The following RNF17 variants were observed in gnomAD, a reference collection of about 807,000 sequenced individuals.
RNF17 encodes ring finger protein 17.
In RNF17, 31 loss-of-function variants were observed where a neutral mutation model predicts 200.5. The ratio of observed to expected loss-of-function variants is 0.15; its 90% CI spans 0.12 to 0.21. The LOEUF (loss-of-function observed/expected upper bound fraction) is 0.21. Among genes scored for constraint, RNF17 ranks in the 10% least tolerant of loss-of-function variants. The pLI is 1.00. For missense variants in RNF17, 1,628 were observed against 1,905.1 expected, an observed-to-expected ratio of 0.85 and a Z score of 2.71; for synonymous variants, 606 against 637.8, an observed-to-expected ratio of 0.95 and a Z score of 0.75.
intron 2 of RNF17, among the ~76,000 whole-genome samples, chr13:24,769,200 AG>A (rs1344589008): frequency 6.6e-6 from 1 of 151,952 alleles, no homozygotes; most frequent in Non-Finnish European, 1.5e-5. Flanking sequence ...AAAAAAAAAA[AG>A]ACTTGGCAAA....
At chr13:24,828,939 G>GC (rs1388633238) in intron 16 of RNF17, among the ~76,000 whole-genome samples, 2 of 151,920 alleles carry the variant, frequency 1.3e-5, no homozygotes, top group African/African-American at 4.8e-5. Context: ...CCCCAGATTA[G>GC]CCGGGGCTAT....
At chr13:24,837,852 AT>A (rs1890176358) in intron 18 of RNF17, among the ~76,000 whole-genome samples, 1 of 152,218 alleles carries the variant, frequency 6.6e-6, no homozygotes, top group Admixed American at 6.5e-5. Context: ...ACTAAATGAA[AT>A]TGAAACAAAC....
In RNF17 at chr13:24,799,603, T is replaced by G. The variant is rs759317181; in HGVS notation, c.1589+19T>G. ...TCACTGGGTATGATATTTTATAATA[T>G]GTATCCTTGGCCTGCTTAGAAACAT... On this transcript the variant is annotated intron_variant, in intron 12 of 35. Coordinates refer to ENST00000255324, the MANE Select transcript of RNF17 (RefSeq NM_031277.3). The G allele has an allele frequency of 2.0e-6, 3 of 1,510,912 alleles. No homozygotes were observed. The Admixed American group carries it at 5.4e-5, about 27-fold the overall frequency. The allele number at this position is 1,510,912 out of a possible 1,614,324, so 93.6% of individuals were successfully genotyped here.
At position 24,781,901 on chromosome 13, in the gene RNF17, G is replaced by A; in HGVS notation, c.568G>A (p.Val190Met). ...GGAAAGAGAAAGAGTTATAGAAGTTGTGGAGAAACAGTTTGACCAACTTTT... is the reference window on the plus strand; with the variant it reads ...GGAAAGAGAAAGAGTTATAGAAGTTATGGAGAAACAGTTTGACCAACTTTT... Reference protein sequence around the residue: ...IEERERVIEVVEKQFDQLLAF... With the variant: ...IEERERVIEVMEKQFDQLLAF... The change falls in exon 6 of 36, where the codon GTG becomes ATG. Residue 190 changes from valine (V) to methionine (M), a missense_variant. Physicochemically the swap from Val to Met is conservative, Grantham distance 21. Around this residue, in one of 5 missense-constraint regions of RNF17, gnomAD observed 502 missense variants for 501.7 expected, o/e 1.00. Transcript: ENST00000255324. 2 of 1,613,148 alleles carry A rather than the reference G, an allele frequency of 1.2e-6. No individual in the cohort carries two copies. Among genetic ancestry groups the A allele is most frequent in the Non-Finnish European group, 1.7e-6 (2 of 1,179,708 alleles).
intron 22 of RNF17, among the ~76,000 whole-genome samples, chr13:24,847,047 CA>C (rs938867177): frequency 6.6e-5 from 10 of 150,716 alleles, no homozygotes; most frequent in Admixed American, 2.0e-4. Flanking sequence ...AGAAATAAAC[CA>C]TACTGGTTTA....
intron 15 of RNF17, among the ~76,000 whole-genome samples, chr13:24,814,069 A>G (rs554724142): frequency 1.3e-5 from 2 of 152,278 alleles, no homozygotes; most frequent in South Asian, 2.1e-4. Context: ...TATGTATTCA[A>G]TACTGCATTC....
intron 15 of RNF17, among the ~76,000 whole-genome samples, chr13:24,814,623 C>CT (rs1048000268): frequency 3.1e-4 from 47 of 152,320 alleles, no homozygotes; most frequent in African/African-American, 1.1e-3. Flanking sequence ...GTTGAAAACA[C>CT]TGTCTTTTCC....
chr13:24,789,280 A>T, intron 7 of RNF17, 68 bp from the exon 8 acceptor site: 1 of 1,064,428 alleles, frequency 9.4e-7, no homozygotes, highest in South Asian at 1.4e-5. Flanking sequence ...TTTTCTTTCT[A>T]AAATCTTACT....
chr13:24,852,385 G>A (rs373179911), intron 24 of RNF17, among the ~76,000 whole-genome samples: 18 of 152,116 alleles, frequency 1.2e-4, no homozygotes, highest in South Asian at 4.2e-4. Flanking sequence ...TGATCTGCCC[G>A]CCTTGGCCTC....
chr13:24,841,106 T>G (rs920085507), intron 18 of RNF17, among the ~76,000 whole-genome samples: 30 of 152,224 alleles, frequency 2.0e-4, no homozygotes, highest in African/African-American at 7.0e-4. Flanking sequence ...TATTGACCAA[T>G]TTCCCTGTGC....
chr13:24,761,608 A>G (rs184634310), upstream of RNF17, among the ~76,000 whole-genome samples: 3 of 152,240 alleles, frequency 2.0e-5, no homozygotes, highest in African/African-American at 7.2e-5. Context: ...CTAGAAAGGC[A>G]CTGGTAGAGA....
At chr13:24,789,607 C>T (rs1402023846) in intron 8 of RNF17, 91 bp from the exon 9 acceptor site, 2 of 934,098 alleles carry the variant, frequency 2.1e-6, no homozygotes, top group Admixed American at 4.0e-5. Context: ...GTTTCCTTTT[C>T]AATTCATTAA....
the RNF17 span, among the ~76,000 whole-genome samples, chr13:24,886,567 G>A: frequency 8.0e-4 from 122 of 152,300 alleles, no homozygotes; most frequent in South Asian, 2.7e-3. Context: ...AAAGTACTGG[G>A]AGTACACAGG....
intron 2 of RNF17, among the ~76,000 whole-genome samples, chr13:24,772,760 A>G (rs562664853): frequency 6.6e-6 from 1 of 152,078 alleles, no homozygotes; most frequent in Admixed American, 6.5e-5. Flanking sequence ...ACAGGCGTCC[A>G]CCACCACGCC....
At chr13:24,786,185 T>A (rs1883081672) in intron 6 of RNF17, among the ~76,000 whole-genome samples, 1 of 152,206 alleles carries the variant, frequency 6.6e-6, no homozygotes, top group Admixed American at 6.5e-5. Context: ...TTGTGCATAG[T>A]CTGTAAATAG....
At chr13:24,757,620 G>A in the RNF17 span, among the ~76,000 whole-genome samples, 3 of 152,216 alleles carry the variant, frequency 2.0e-5, no homozygotes, top group East Asian at 5.8e-4. Flanking sequence ...CACTGTGCCT[G>A]GCCGACAATA....
intron 26 of RNF17, among the ~76,000 whole-genome samples, chr13:24,860,801 C>T (rs776135500): frequency 6.6e-6 from 1 of 151,430 alleles, no homozygotes; most frequent in Non-Finnish European, 1.5e-5. Context: ...GTTTGATACA[C>T]TATTGGATGA....
At chr13:24,882,847 T>C, downstream of RNF17, 1 of 336,460 alleles carries the variant, frequency 3.0e-6, no homozygotes, top group Non-Finnish European at 5.7e-6. Context: ...GTGGGACATC[T>C]AGGTGATGTA....
rs969301060 is a variant in RNF17, at chr13:24,828,805, T to A, written c.2246-1679T>A. Among the ~76,000 whole-genome samples, 129 of 152,050 alleles carry A rather than the reference T, an allele frequency of 8.5e-4. 1 individual carries two copies. The highest frequency in any genetic ancestry group is 7.2e-4 in the Admixed American group (11 of 15,264). ...ATGTTAGTTTGATTTTTTTTTTTTTTAAGCATGAAAACATCCTTTTTGAGA... is the reference window on the plus strand; with the variant it reads ...ATGTTAGTTTGATTTTTTTTTTTTTAAAGCATGAAAACATCCTTTTTGAGA... On this transcript the variant is annotated intron_variant, in intron 16 of 35. Coordinates refer to ENST00000255324, the MANE Select transcript of RNF17 (RefSeq NM_031277.3).
Sources: gnomAD v4.1 joint callset for allele counts (sites outside exome capture counted in the v4.1 genomes callset) on GRCh38, gnomAD v4.1.1 for gene constraint, gnomAD v4.1.1 regional missense constraint, MANE v1.5 for transcripts, NCBI Gene and HGNC (gene_info 2026-07-23, HGNC 2026-07-21) for gene names.